The following ILRUN variants were observed in gnomAD, a reference collection of about 807,000 sequenced individuals.
The protein encoded by ILRUN is protein ILRUN.
Under a neutral mutation model 33.8 loss-of-function variants are expected in ILRUN, and 3 were observed. That is an observed-to-expected ratio of 0.09 (90% CI 0.04 to 0.23). The LOEUF (loss-of-function observed/expected upper bound fraction) is 0.23, where lower values mean the gene tolerates loss of function less well. Among genes scored for constraint, ILRUN ranks in the 10% least tolerant of loss-of-function variants. The probability of loss-of-function intolerance (pLI) is 1.00; values close to 1 mark genes in which losing one functional copy is unlikely to be tolerated. For missense variants in ILRUN, 210 were observed against 375.1 expected (o/e 0.56, Z 3.64); for synonymous variants, 124 against 138.9 (o/e 0.89, Z 0.75).
At chr6:34,644,939 A>G (rs1762537866) in intron 3 of ILRUN, among the ~76,000 whole-genome samples, 1 of 152,186 alleles carries the variant, frequency 6.6e-6, no homozygotes, top group African/African-American at 2.4e-5. Context: ...GGATGACTGA[A>G]GATGGGAGTG....
At chr6:34,628,329 CTT>C (rs1267121949) in intron 3 of ILRUN, among the ~76,000 whole-genome samples, 1 of 145,610 alleles carries the variant, frequency 6.9e-6, no homozygotes. Flanking sequence ...CCTTTTTACA[CTT>C]TTTTTTTTTT....
At chr6:34,640,272 C>T (rs761987371) in intron 3 of ILRUN, among the ~76,000 whole-genome samples, 8 of 151,938 alleles carry the variant, frequency 5.3e-5, no homozygotes, top group East Asian at 1.9e-4. Flanking sequence ...GCCGAAAGCA[C>T]GCCCACTGAG....
intron 3 of ILRUN, among the ~76,000 whole-genome samples, chr6:34,637,210 A>G (rs891647809): frequency 2.6e-5 from 4 of 152,236 alleles, no homozygotes. Context: ...CACTTTAACT[A>G]TATCTGGCCT....
At chr6:34,648,066 C>T (rs1762594348) in intron 2 of ILRUN, among the ~76,000 whole-genome samples, 2 of 152,164 alleles carry the variant, frequency 1.3e-5, no homozygotes, top group Admixed American at 6.5e-5. Flanking sequence ...TGACTAGTTC[C>T]CACTAGTCAA....
At chr6:34,641,094 A>AC (rs1490886176) in intron 3 of ILRUN, among the ~76,000 whole-genome samples, 3 of 151,590 alleles carry the variant, frequency 2.0e-5, no homozygotes, top group Admixed American at 6.6e-5. Context: ...AAAAAAAAAA[A>AC]AAACAAATTA....
chr6:34,643,660 T>A (rs762768904), intron 3 of ILRUN, among the ~76,000 whole-genome samples: 1 of 152,236 alleles, frequency 6.6e-6, no homozygotes, highest in Non-Finnish European at 1.5e-5. Context: ...TGTCTTGAAC[T>A]TGATGAAGCT....
At chr6:34,617,386 G>A in intron 3 of ILRUN, 1 of 291,468 alleles carries the variant, frequency 3.4e-6, no homozygotes, top group Non-Finnish European at 6.6e-6. Flanking sequence ...GAACTGCTAA[G>A]GCAGCAGTGT....
chr6:34,587,801 C>T lies in ILRUN; in HGVS notation c.*2764G>A. 1 of 340,262 alleles carries T rather than the reference C, an allele frequency of 2.9e-6. No individual in the cohort carries two copies. The highest frequency in any genetic ancestry group is 5.3e-6 in the Non-Finnish European group (1 of 188,798). 21.1% of individuals were successfully genotyped at this position (340,262 alleles called of 1,614,324 possible). On this transcript the variant is annotated 3_prime_UTR_variant, in exon 5 of 5. Transcript: ENST00000374023. ...AAGCATGCACACGTGCACATCCATC[C>T]ACACACACACACCTCACTCCATGCA...
rs1761235202 is a variant in ILRUN, at chr6:34,588,425, A to G, written c.*2140T>C. The G allele has an allele frequency of 2.5e-6, 1 of 393,858 alleles. No individual in the cohort carries two copies. Among genetic ancestry groups the G allele is most frequent in the South Asian group, 1.4e-4 (1 of 6,978 alleles). 24.4% of individuals were successfully genotyped at this position (393,858 alleles called of 1,614,324 possible). ...AAGCAGGGGTTGTGAAGCCTCCCAC[A>G]ATCCTGCCAGGGACAGTGGAGATGT... On this transcript the variant is annotated 3_prime_UTR_variant, in exon 5 of 5. Transcript: ENST00000374023.
At chr6:34,648,663 C>T (rs893679822) in intron 2 of ILRUN, among the ~76,000 whole-genome samples, 1 of 152,142 alleles carries the variant, frequency 6.6e-6, no homozygotes, top group Non-Finnish European at 1.5e-5. Context: ...AGAACAGTAG[C>T]TGACATGAAG....
chr6:34,693,362 A>G (rs1054550252), intron 1 of ILRUN, among the ~76,000 whole-genome samples: 5 of 151,256 alleles, frequency 3.3e-5, no homozygotes, highest in Non-Finnish European at 5.9e-5. Flanking sequence ...GCCAGAACAC[A>G]TTTTTTTTTC....
At chr6:34,633,878 AGAGAGG>A (rs1562011010) in intron 3 of ILRUN, among the ~76,000 whole-genome samples, 107 of 71,422 alleles carry the variant, frequency 1.5e-3, no homozygotes, top group African/African-American at 5.7e-3. Context: ...ACATGGAGGG[AGAGAGG>A]GAGGGAGGGA....
chr6:34,686,363 G>A (rs1273083321), intron 1 of ILRUN, among the ~76,000 whole-genome samples: 3 of 151,760 alleles, frequency 2.0e-5, no homozygotes, highest in South Asian at 2.1e-4. Context: ...AGCCGGGCGT[G>A]GTGGCGGGCG....
At chr6:34,658,578 G>T (rs958639539) in intron 1 of ILRUN, among the ~76,000 whole-genome samples, 1 of 148,600 alleles carries the variant, frequency 6.7e-6, no homozygotes, top group African/African-American at 2.5e-5. Flanking sequence ...AGGCCGAGGC[G>T]GGCAGATCGC....
chr6:34,694,361 G>A (rs2127393167), intron 1 of ILRUN, among the ~76,000 whole-genome samples: 1 of 152,282 alleles, frequency 6.6e-6, no homozygotes. Context: ...CAAACTAGCA[G>A]CAACAATATG....
intron 1 of ILRUN, among the ~76,000 whole-genome samples, chr6:34,665,232 G>T (rs1461209362): frequency 7.0e-6 from 1 of 143,412 alleles, no homozygotes; most frequent in South Asian, 2.2e-4. Flanking sequence ...GAGACAGGAG[G>T]ATCACTGGAG....
chr6:34,683,534 T>TATATATATATATATATATATATA (rs1562033474), intron 1 of ILRUN, among the ~76,000 whole-genome samples: 1 of 131,320 alleles, frequency 7.6e-6, no homozygotes, highest in African/African-American at 3.0e-5. Context: ...ATATACATAT[T>TATATATATATATATATATATATA]GCACAGAATA....
At chr6:34,629,996 T>C (rs1762212436) in intron 3 of ILRUN, among the ~76,000 whole-genome samples, 1 of 152,156 alleles carries the variant, frequency 6.6e-6, no homozygotes, top group African/African-American at 2.4e-5. Flanking sequence ...AGGTTAACAA[T>C]AACTGATAAT....
intron 3 of ILRUN, among the ~76,000 whole-genome samples, chr6:34,627,850 T>A (rs1762170612): frequency 6.6e-6 from 1 of 151,202 alleles, no homozygotes; most frequent in African/African-American, 2.4e-5. Flanking sequence ...ATTACAGACA[T>A]GCACCACCAT....
Sources: allele counts gnomAD v4.1 joint callset (sites outside exome capture counted in the v4.1 genomes callset), GRCh38; gene constraint gnomAD v4.1.1; transcripts MANE v1.5; gene names NCBI Gene and HGNC (gene_info 2026-07-23, HGNC 2026-07-21).